KIAA0930: variants seen among roughly 807,000 people sequenced by gnomAD.
KIAA0930 encodes KIAA0930.
Under a neutral mutation model 43.9 loss-of-function variants are expected in KIAA0930, and 24 were observed. The ratio of observed to expected loss-of-function variants is 0.55; its 90% CI spans 0.40 to 0.77. The LOEUF is 0.77. Ranked by LOEUF, KIAA0930 falls within the 30% of genes least tolerant of loss-of-function variation. KIAA0930 has a pLI of 0.00. For synonymous variants in KIAA0930, 259 were observed against 216.4 expected (o/e 1.20, Z -1.73); for missense variants, 461 against 574.2 (o/e 0.80, Z 2.02).
chr22:45,240,811 A>C lies in KIAA0930; in HGVS notation c.-108T>G, dbSNP rs2083912762. On this transcript the variant is annotated 5_prime_UTR_variant, in exon 1 of 10. Transcript: ENST00000336156. ...CGCAGCCCGCCGCGAGCACCAAGGAAGCCACAGTCCGCCTCTGTGCGCGTC... is the reference window on the plus strand; with the variant it reads ...CGCAGCCCGCCGCGAGCACCAAGGACGCCACAGTCCGCCTCTGTGCGCGTC... The C allele has an allele frequency of 2.7e-5, 4 of 145,614 alleles. No homozygotes were observed. The highest frequency in any genetic ancestry group is 1.8e-4 in the South Asian group (1 of 5,494). 9.0% of individuals were successfully genotyped at this position (145,614 alleles called of 1,614,324 possible).
intron 1 of KIAA0930, among the ~76,000 whole-genome samples, chr22:45,225,693 A>G (rs1601823230): frequency 6.6e-6 from 1 of 151,356 alleles, no homozygotes; most frequent in Non-Finnish European, 1.5e-5. Context: ...CTTTGCAGTC[A>G]CCCCCTCGGG....
chr22:45,200,804 G>T (rs1231796901), intron 7 of KIAA0930: 4 of 448,724 alleles, frequency 8.9e-6, no homozygotes, highest in East Asian at 1.4e-4. Flanking sequence ...GACAACCATA[G>T]ACAGCATGCT....
rs144887903 is a variant in KIAA0930, at chr22:45,193,085, T to C, written c.*4091A>G. ...AAGCTCAAGGGCACGTGCCTTTCCT[T>C]ATCTCGTGGAGTGTCCGTCCTATCA... On this transcript the variant is annotated 3_prime_UTR_variant, in exon 10 of 10. Coordinates refer to ENST00000336156, the MANE Select transcript of KIAA0930 (RefSeq NM_001009880.2). 1.1e-3 allele frequency: 167 copies of C among 152,238 alleles called. No homozygotes were observed. Among genetic ancestry groups the C allele is most frequent in the African/African-American group, 3.9e-3 (163 of 41,550 alleles). The allele number at this position is 152,238 out of a possible 1,614,324, so 9.4% of individuals were successfully genotyped here. A position where few individuals can be genotyped will look rare whatever the true frequency, so the allele number is the denominator to read the frequency against.
intron 1 of KIAA0930, 104 bp downstream of exon 1, chr22:45,240,536 G>A (rs1176483248): frequency 5.3e-6 from 4 of 753,642 alleles, no homozygotes; most frequent in African/African-American, 3.7e-5. Context: ...CGACACCCGC[G>A]CAGAGACAGA....
chr22:45,233,564 C>A (rs924101690), intron 1 of KIAA0930, among the ~76,000 whole-genome samples: 1 of 152,146 alleles, frequency 6.6e-6, no homozygotes, highest in Non-Finnish European at 1.5e-5. Context: ...CACGCTTCTA[C>A]TTCAGCTGCA....
intron 1 of KIAA0930, among the ~76,000 whole-genome samples, chr22:45,219,947 T>C (rs997095294): frequency 3.3e-5 from 5 of 152,174 alleles, no homozygotes; most frequent in African/African-American, 1.2e-4. Flanking sequence ...GACAGCTAGC[T>C]TCAGGGCTAC....
At chr22:45,222,632 G>T (rs13058044) in intron 1 of KIAA0930, among the ~76,000 whole-genome samples, 4 of 123,256 alleles carry the variant, frequency 3.2e-5, no homozygotes, top group East Asian at 2.9e-4. Flanking sequence ...TTCTATAGGG[G>T]AAAAAAAACC....
intron 1 of KIAA0930, among the ~76,000 whole-genome samples, chr22:45,219,133 T>C (rs1408757190): frequency 6.6e-6 from 1 of 152,214 alleles, no homozygotes; most frequent in East Asian, 1.9e-4. Flanking sequence ...AAGAGCAGAC[T>C]TGATTCCCAT....
intron 1 of KIAA0930, among the ~76,000 whole-genome samples, chr22:45,228,468 C>T (rs2083816770): frequency 6.6e-6 from 1 of 152,180 alleles, no homozygotes; most frequent in Non-Finnish European, 1.5e-5. Flanking sequence ...ACCCTCGCTC[C>T]TTCCTCAGGC....
intron 1 of KIAA0930, among the ~76,000 whole-genome samples, chr22:45,225,631 C>T (rs968331727): frequency 1.3e-5 from 2 of 152,164 alleles, no homozygotes; most frequent in East Asian, 3.9e-4. Flanking sequence ...GGCACAAGCA[C>T]GGCGCCCATT....
At chr22:45,231,424 CCTGA>C (rs368865481) in intron 1 of KIAA0930, among the ~76,000 whole-genome samples, 2,516 of 152,084 alleles carry the variant, frequency 0.017, 62 homozygotes, top group East Asian at 0.12. Context: ...GGCAGTGGGG[CCTGA>C]AGATCCGAGG....
chr22:45,228,037 G>A (rs1176170803), intron 1 of KIAA0930, among the ~76,000 whole-genome samples: 8 of 152,232 alleles, frequency 5.3e-5, no homozygotes, highest in African/African-American at 1.9e-4. Context: ...CAATCCGTGG[G>A]CTGGCAGGAG....
chr22:45,199,837 GGCAC>G, intron 8 of KIAA0930, 32 bp downstream of exon 8: 4 of 1,485,250 alleles, frequency 2.7e-6, no homozygotes, highest in Non-Finnish European at 3.6e-6. Flanking sequence ...GAGACTGAAG[GGCAC>G]GGGGACCCTA....
intron 1 of KIAA0930, among the ~76,000 whole-genome samples, chr22:45,218,204 C>T (rs1345898005): frequency 1.3e-5 from 2 of 152,090 alleles, no homozygotes; most frequent in African/African-American, 4.8e-5. Context: ...GTCGCTCAGG[C>T]TGGAGTGCAA....
chr22:45,205,421 C>A, intron 4 of KIAA0930, 103 bp from the exon 5 acceptor site: 1 of 1,064,188 alleles, frequency 9.4e-7, no homozygotes, highest in Non-Finnish European at 1.4e-6. Flanking sequence ...CAGAGCCAGT[C>A]CAAAGCCAGA....
At chr22:45,210,871 C>T (rs1003299357) in intron 2 of KIAA0930, among the ~76,000 whole-genome samples, 1 of 105,672 alleles carries the variant, frequency 9.5e-6, no homozygotes, top group African/African-American at 3.8e-5. Context: ...TCCCTGGTAC[C>T]GAATCCAATG....
Position 45,198,017 on chromosome 22 carries a change from T to A in KIAA0930, c.1016-69A>T, listed in dbSNP as rs2083553249. 2.6e-6 allele frequency: 4 copies of A among 1,539,222 alleles called. No homozygotes were observed. The East Asian group carries it at 9.0e-5, about 35-fold the overall frequency. On this transcript the variant is annotated intron_variant, in intron 8 of 9. Coordinates refer to ENST00000336156, the MANE Select transcript of KIAA0930 (RefSeq NM_001009880.2). Reference sequence around the variant, plus strand: ...GCGGCGGGAGCAGCAGGAGGCCAGCTCCCAGTCCAGGCTGAGGCCAAACTC... The same window carrying A: ...GCGGCGGGAGCAGCAGGAGGCCAGCACCCAGTCCAGGCTGAGGCCAAACTC...
rs1378107899 is a variant in KIAA0930 at position 45,200,885 on chromosome 22, G to A, written c.853-850C>T. The A allele has an allele frequency of 1.3e-5, 6 of 472,502 alleles. No individual in the cohort carries two copies. In the East Asian group the frequency reaches 2.8e-4, roughly 22 times the overall value. 29.3% of individuals were successfully genotyped at this position (472,502 alleles called of 1,614,324 possible). A position where few individuals can be genotyped will look rare whatever the true frequency, so the allele number is the denominator to read the frequency against. On this transcript the variant is annotated intron_variant, in intron 7 of 9. Coordinates refer to ENST00000336156, the MANE Select transcript of KIAA0930 (RefSeq NM_001009880.2). ...GAGGCAAAAGGGATCCACAGCCTGG[G>A]AAATCAGGGAAGGCTTCCTGGAGGA... is the stretch of plus-strand genomic sequence containing the variant.
At chr22:45,212,513 A>C in intron 1 of KIAA0930, 2 of 1,421,592 alleles carry the variant, frequency 1.4e-6, no homozygotes, top group Middle Eastern at 2.6e-4. Flanking sequence ...GGCTCTCACC[A>C]ACATCTCTCA....
Sources: allele counts gnomAD v4.1 joint callset (sites outside exome capture counted in the v4.1 genomes callset), GRCh38; gene constraint gnomAD v4.1.1; transcripts MANE v1.5; gene names NCBI Gene and HGNC (gene_info 2026-07-23, HGNC 2026-07-21).